Variants in GPC6 observed in about 807,000 individuals in gnomAD.
GPC6 encodes glypican 6.
A neutral mutation model predicts 55.2 loss-of-function variants in GPC6; 14 were observed. The observed-to-expected ratio is 0.25, with a 90% CI of 0.17 to 0.40. The LOEUF is 0.40. Among genes scored for constraint, GPC6 ranks in the 10% least tolerant of loss-of-function variants. The pLI is 1.00. For synonymous variants in GPC6, 278 were observed against 259.6 expected, an observed-to-expected ratio of 1.07 and a Z score of -0.68; for missense variants, 641 against 708.5, an observed-to-expected ratio of 0.90 and a Z score of 1.08.
At chr13:93,226,785 A>G (rs923977819), upstream of GPC6, 3 of 152,138 alleles carry the variant, frequency 2.0e-5, no homozygotes, top group African/African-American at 7.3e-5. Context: ...TGCAATGTGT[A>G]GCACGTTTCT....
chr13:93,950,224 C>T (rs371508489), intron 3 of GPC6, among the ~76,000 whole-genome samples: 132 of 152,070 alleles, frequency 8.7e-4, no homozygotes, highest in African/African-American at 3.2e-3. Context: ...CTTAAGTGTC[C>T]AGATTTCACT....
chr13:93,556,390 GTGTGTA>G (rs1200706462), intron 2 of GPC6, among the ~76,000 whole-genome samples: 2 of 75,104 alleles, frequency 2.7e-5, no homozygotes, highest in Non-Finnish European at 5.5e-5. Flanking sequence ...GTGTGTGTGT[GTGTGTA>G]TGTATGTATA....
chr13:93,241,701 A>G (rs1411886427), intron 1 of GPC6, among the ~76,000 whole-genome samples: 1 of 152,144 alleles, frequency 6.6e-6, no homozygotes, highest in African/African-American at 2.4e-5. Flanking sequence ...CTAAAGAGTT[A>G]ATGTGATCTT....
At chr13:93,852,694 T>C (rs527864210) in intron 3 of GPC6, among the ~76,000 whole-genome samples, 3 of 151,780 alleles carry the variant, frequency 2.0e-5, no homozygotes, top group East Asian at 1.9e-4. Context: ...GGTTTTATTA[T>C]TGATTGTACA....
chr13:94,246,110 T>G (rs1891188355), intron 4 of GPC6, among the ~76,000 whole-genome samples: 1 of 152,112 alleles, frequency 6.6e-6, no homozygotes, highest in African/African-American at 2.4e-5. Context: ...TCCTGATGAT[T>G]AGGGATCTTG....
chr13:93,902,281 A>G (rs1402796676), intron 3 of GPC6, among the ~76,000 whole-genome samples: 1 of 151,948 alleles, frequency 6.6e-6, no homozygotes, highest in Non-Finnish European at 1.5e-5. Flanking sequence ...CTTAGATTCC[A>G]CATATGAGTG....
intron 4 of GPC6, among the ~76,000 whole-genome samples, chr13:94,055,706 A>C (rs1884108002): frequency 6.6e-6 from 1 of 152,202 alleles, no homozygotes; most frequent in Non-Finnish European, 1.5e-5. Flanking sequence ...GAATTTACTG[A>C]TTCTCCAATA....
chr13:94,009,263 A>G (rs2140431684), intron 3 of GPC6, among the ~76,000 whole-genome samples: 1 of 152,308 alleles, frequency 6.6e-6, no homozygotes, highest in Non-Finnish European at 1.5e-5. Context: ...TAAATGGTTC[A>G]CTTGGAATAA....
intron 1 of GPC6, among the ~76,000 whole-genome samples, chr13:93,273,810 T>C (rs2139056988): frequency 1.3e-5 from 2 of 152,168 alleles, no homozygotes; most frequent in South Asian, 4.1e-4. Flanking sequence ...TATTTTTTTA[T>C]TTTATTTTTA....
At chr13:94,080,778 C>A (rs887509144) in intron 4 of GPC6, among the ~76,000 whole-genome samples, 2 of 152,152 alleles carry the variant, frequency 1.3e-5, no homozygotes, top group African/African-American at 4.8e-5. Flanking sequence ...ACCATGATGG[C>A]CTCCTTATGA....
chr13:93,447,885 C>G (rs1450176450), intron 1 of GPC6, among the ~76,000 whole-genome samples: 1 of 152,148 alleles, frequency 6.6e-6, no homozygotes, highest in East Asian at 1.9e-4. Flanking sequence ...ATAGCCTGAG[C>G]ATTAATGAAC....
At chr13:93,522,436 A>G (rs538777832) in intron 1 of GPC6, among the ~76,000 whole-genome samples, 1 of 151,846 alleles carries the variant, frequency 6.6e-6, no homozygotes, top group Non-Finnish European at 1.5e-5. Context: ...CTTCTTACTT[A>G]TTTTCCCATT....
At chr13:93,483,051 A>T (rs1411908092) in intron 1 of GPC6, among the ~76,000 whole-genome samples, 1 of 152,166 alleles carries the variant, frequency 6.6e-6, no homozygotes, top group East Asian at 1.9e-4. Flanking sequence ...ACTCATCCTG[A>T]TAGCCAGGTG....
chr13:93,853,745 G>C (rs1397644447), intron 3 of GPC6, among the ~76,000 whole-genome samples: 1 of 151,578 alleles, frequency 6.6e-6, no homozygotes, highest in Non-Finnish European at 1.5e-5. Context: ...ACGTTAATGT[G>C]TTTTCTGAAT....
chr13:93,417,288 G>A (rs544700896), intron 1 of GPC6, among the ~76,000 whole-genome samples: 1 of 152,082 alleles, frequency 6.6e-6, no homozygotes, highest in African/African-American at 2.4e-5. Context: ...GTAATGTTAA[G>A]TTACTCATAA....
intron 2 of GPC6, among the ~76,000 whole-genome samples, chr13:93,625,455 T>TA (rs1463223834): frequency 6.6e-6 from 1 of 152,208 alleles, no homozygotes; most frequent in Non-Finnish European, 1.5e-5. Context: ...GGTGAGATCC[T>TA]ACCTCCTTGG....
At chr13:93,597,816 A>G (rs139632801) in intron 2 of GPC6, among the ~76,000 whole-genome samples, 1 of 152,176 alleles carries the variant, frequency 6.6e-6, no homozygotes, top group Non-Finnish European at 1.5e-5. Context: ...TCTAGTCAGC[A>G]GTAGGGTTTT....
intron 2 of GPC6, among the ~76,000 whole-genome samples, chr13:93,630,270 G>A (rs1232296599): frequency 6.6e-6 from 1 of 152,136 alleles, no homozygotes; most frequent in Non-Finnish European, 1.5e-5. Context: ...CATGGAGTCA[G>A]CGTTATATAG....
chr13:93,892,232 A>G (rs1200043473), intron 3 of GPC6, among the ~76,000 whole-genome samples: 1 of 152,150 alleles, frequency 6.6e-6, no homozygotes. Flanking sequence ...TCACACTCAT[A>G]TTTGGTCTAG....
Sources: allele counts gnomAD v4.1 joint callset (sites outside exome capture counted in the v4.1 genomes callset), GRCh38; gene constraint gnomAD v4.1.1; transcripts MANE v1.5; gene names NCBI Gene and HGNC (gene_info 2026-07-23, HGNC 2026-07-21).